Variants in SORCS1 observed in about 807,000 individuals in gnomAD.
SORCS1 encodes the protein VPS10 domain-containing receptor SorCS1.
In SORCS1, 60 loss-of-function variants were observed where a neutral mutation model predicts 146.1. That is an observed-to-expected ratio of 0.41 (90% confidence interval 0.33 to 0.51). SORCS1 has a LOEUF of 0.51. Among genes scored for constraint, SORCS1 ranks in the 20% least tolerant of loss-of-function variants. The probability of loss-of-function intolerance (pLI) is 0.21; values close to 1 mark genes in which losing one functional copy is unlikely to be tolerated. For synonymous variants in SORCS1, 637 were observed against 584.0 expected (o/e 1.09, Z -1.31); for missense variants, 1,352 against 1,487.6 (o/e 0.91, Z 1.50).
At chr10:106,657,385 T>C (rs1203655160) in intron 17 of SORCS1, among the ~76,000 whole-genome samples, 2 of 152,134 alleles carry the variant, frequency 1.3e-5, no homozygotes, top group African/African-American at 4.8e-5. Flanking sequence ...TGTTGTTACC[T>C]ATAAGTGGGA....
At chr10:106,703,132 G>A (rs1191851047) in intron 8 of SORCS1, among the ~76,000 whole-genome samples, 2 of 150,334 alleles carry the variant, frequency 1.3e-5, no homozygotes, top group African/African-American at 4.9e-5. Context: ...TTTATTCTAA[G>A]TAACACATAT....
At chr10:107,134,570 C>T (rs1034962795) in intron 1 of SORCS1, among the ~76,000 whole-genome samples, 5 of 151,982 alleles carry the variant, frequency 3.3e-5, no homozygotes, top group Admixed American at 1.3e-4. Context: ...ACCTGGGAGG[C>T]GGAGGTTGCA....
At chr10:106,689,758 A>G (rs1319929151) in intron 9 of SORCS1, among the ~76,000 whole-genome samples, 3 of 152,184 alleles carry the variant, frequency 2.0e-5, no homozygotes, top group Non-Finnish European at 2.9e-5. Context: ...AATCTGCCTG[A>G]CTTCCAAGAT....
chr10:107,038,650 T>TA (rs1959021240), intron 1 of SORCS1, among the ~76,000 whole-genome samples: 1 of 150,116 alleles, frequency 6.7e-6, no homozygotes, highest in Admixed American at 6.6e-5. Flanking sequence ...AAAATGGGGA[T>TA]AAAGAGGAAA....
rs982353644 is a variant in SORCS1, at chr10:107,077,255, C to T, written c.558+86714G>A. Among the ~76,000 whole-genome samples, 3 of 152,044 alleles carry T rather than the reference C, an allele frequency of 2.0e-5. No homozygotes were observed. The East Asian group carries it at 5.8e-4, about 29-fold the overall frequency. ...AAAATAATTATTTAAGTAATCAAAT[C>T]CTCAACATTGAATACCATTTAATAA... On this transcript the variant is annotated intron_variant, in intron 1 of 25. Transcript: ENST00000263054.
chr10:107,169,830 A>G, the SORCS1 span, among the ~76,000 whole-genome samples: 2 of 152,126 alleles, frequency 1.3e-5, no homozygotes, highest in Admixed American at 1.3e-4. Context: ...CCCAATTTGT[A>G]TATTCATGAA....
intron 1 of SORCS1, among the ~76,000 whole-genome samples, chr10:107,126,822 G>A (rs1382629214): frequency 6.6e-6 from 1 of 152,052 alleles, no homozygotes; most frequent in Non-Finnish European, 1.5e-5. Flanking sequence ...TCAGTTGCAA[G>A]CAGAAGGGAC....
intron 13 of SORCS1, 44 bp from the exon 14 acceptor site, chr10:106,675,200 A>T (rs1851932735): frequency 1.4e-6 from 2 of 1,412,620 alleles, no homozygotes; most frequent in East Asian, 4.6e-5. Flanking sequence ...CCAAAGGAAA[A>T]AAAAATGTCA....
Position 107,050,219 on chromosome 10 carries a change from A to G in SORCS1, c.559-93639T>C, listed in dbSNP as rs113447501. On this transcript the variant is annotated intron_variant, in intron 1 of 25. Coordinates refer to ENST00000263054, the MANE Select transcript of SORCS1 (RefSeq NM_052918.5). The stretch of plus-strand genomic sequence containing the variant: ...GGATTCAGTTTAATAGCTGATGCTT[A>G]CACATAATGGTTAGATTTCTTTCTC... 3.0e-3 allele frequency among the ~76,000 whole-genome samples: 454 copies of G among 152,352 alleles called. 2 individuals are homozygous for G. The highest frequency in any genetic ancestry group is 0.011 in the African/African-American group (438 of 41,590).
At chr10:106,611,881 C>T (rs374334833) in intron 22 of SORCS1, 30 bp downstream of exon 22, 20 of 1,522,088 alleles carry the variant, frequency 1.3e-5, no homozygotes, top group Middle Eastern at 1.7e-4. Flanking sequence ...AAAAGGTACC[C>T]GGGCAAGAGA....
intron 1 of SORCS1, among the ~76,000 whole-genome samples, chr10:107,134,368 G>C (rs1380890447): frequency 6.6e-6 from 1 of 152,194 alleles, no homozygotes; most frequent in Non-Finnish European, 1.5e-5. Flanking sequence ...GCCAGGCGCG[G>C]TGGCTCAAGC....
At chr10:106,825,673 A>G (rs982544828) in intron 3 of SORCS1, among the ~76,000 whole-genome samples, 2 of 151,856 alleles carry the variant, frequency 1.3e-5, no homozygotes, top group Non-Finnish European at 2.9e-5. Flanking sequence ...CTTTTCTTAC[A>G]GCAGACTTTA....
At chr10:106,706,917 G>A (rs117660454) in intron 7 of SORCS1, among the ~76,000 whole-genome samples, 206 of 152,160 alleles carry the variant, frequency 1.4e-3, no homozygotes, top group Non-Finnish European at 2.3e-3. Flanking sequence ...TTTCAAATGG[G>A]GTACATTGGC....
chr10:106,944,121 T>C (rs1954191142), intron 2 of SORCS1, among the ~76,000 whole-genome samples: 1 of 152,250 alleles, frequency 6.6e-6, no homozygotes, highest in Admixed American at 6.5e-5. Flanking sequence ...CTGACTACTT[T>C]GTTCATGGTC....
At chr10:107,098,335 G>A (rs891987568) in intron 1 of SORCS1, among the ~76,000 whole-genome samples, 3 of 152,162 alleles carry the variant, frequency 2.0e-5, no homozygotes, top group Non-Finnish European at 4.4e-5. Flanking sequence ...TAGACAATAA[G>A]AGGTCCAGAA....
At chr10:106,793,629 T>A (rs1032235073) in intron 3 of SORCS1, among the ~76,000 whole-genome samples, 3 of 152,096 alleles carry the variant, frequency 2.0e-5, no homozygotes, top group Admixed American at 6.6e-5. Context: ...GAGGAGTGTT[T>A]CAGAAACACA....
At chr10:106,853,424 T>G (rs1005670140) in intron 2 of SORCS1, among the ~76,000 whole-genome samples, 2 of 151,458 alleles carry the variant, frequency 1.3e-5, no homozygotes, top group Non-Finnish European at 2.9e-5. Flanking sequence ...AAAAAACAGG[T>G]TTTGGTTTTG....
chr10:107,083,826 T>C (rs1022494698), intron 1 of SORCS1, among the ~76,000 whole-genome samples: 16 of 152,158 alleles, frequency 1.1e-4, no homozygotes, highest in African/African-American at 3.9e-4. Flanking sequence ...GCTAATCTAC[T>C]ATGATTCTGA....
chr10:106,802,929 C>T (rs1946982674), intron 3 of SORCS1, among the ~76,000 whole-genome samples: 2 of 152,280 alleles, frequency 1.3e-5, no homozygotes, highest in South Asian at 4.1e-4. Flanking sequence ...TCATGCCCGG[C>T]CTGACTTTAC....
Sources: allele counts gnomAD v4.1 joint callset (sites outside exome capture counted in the v4.1 genomes callset), GRCh38; gene constraint gnomAD v4.1.1; transcripts MANE v1.5; gene names NCBI Gene and HGNC (gene_info 2026-07-23, HGNC 2026-07-21).